The following ARSB variants were observed in gnomAD, a reference collection of about 807,000 sequenced individuals.
ARSB encodes the protein N-acetylgalactosamine-4-sulfatase.
In ARSB, 41 loss-of-function variants were observed where a neutral mutation model predicts 50.9. That is an observed-to-expected ratio of 0.81 (90% CI 0.63 to 1.04). ARSB has a LOEUF of 1.04. Among genes scored for constraint, ARSB ranks in the 50% least tolerant of loss-of-function variants. ARSB has a pLI of 0.00. For missense variants in ARSB, 672 were observed against 693.3 expected (o/e 0.97, Z 0.35); for synonymous variants, 269 against 284.8 (o/e 0.94, Z 0.56).
intron 6 of ARSB, among the ~76,000 whole-genome samples, chr5:78,826,866 C>T (rs962432707): frequency 6.6e-6 from 1 of 152,136 alleles, no homozygotes; most frequent in African/African-American, 2.4e-5. Flanking sequence ...GGGCAGGTAA[C>T]AGGGCAGAAT....
At chr5:78,887,441 C>A (rs895571911) in intron 4 of ARSB, among the ~76,000 whole-genome samples, 2 of 152,158 alleles carry the variant, frequency 1.3e-5, no homozygotes, top group African/African-American at 4.8e-5. Flanking sequence ...TCCTACTGGG[C>A]CCCACCTCCC....
chr5:78,804,949 G>A (rs1464688662), intron 6 of ARSB, among the ~76,000 whole-genome samples: 1 of 152,244 alleles, frequency 6.6e-6, no homozygotes, highest in Non-Finnish European at 1.5e-5. Flanking sequence ...TGCTCAGAAA[G>A]AGTCACATGT....
At chr5:78,781,783 A>G in intron 7 of ARSB, 69 bp downstream of exon 7, 3 of 1,596,900 alleles carry the variant, frequency 1.9e-6, no homozygotes, top group Non-Finnish European at 2.6e-6. Flanking sequence ...GACTGGAGAT[A>G]CTGCCCTGAG....
At chr5:78,852,185 G>T (rs1424220526) in intron 5 of ARSB, among the ~76,000 whole-genome samples, 1 of 152,200 alleles carries the variant, frequency 6.6e-6, no homozygotes, top group East Asian at 1.9e-4. Flanking sequence ...GCATGATTTT[G>T]CAGCGGCTGG....
At chr5:78,916,453 G>T (rs1042290625) in intron 4 of ARSB, among the ~76,000 whole-genome samples, 2 of 152,166 alleles carry the variant, frequency 1.3e-5, no homozygotes, top group Non-Finnish European at 2.9e-5. Flanking sequence ...TGTCTTCCGG[G>T]AAAATGCACG....
At chr5:78,917,859 G>GA (rs1340793490) in intron 4 of ARSB, among the ~76,000 whole-genome samples, 1 of 152,160 alleles carries the variant, frequency 6.6e-6, no homozygotes, top group Non-Finnish European at 1.5e-5. Context: ...GTTCAAGGGG[G>GA]AATCAAGGAA....
intron 6 of ARSB, among the ~76,000 whole-genome samples, chr5:78,821,079 G>A (rs1033616035): frequency 1.3e-5 from 2 of 152,114 alleles, no homozygotes; most frequent in Admixed American, 6.5e-5. Context: ...TGTTAGCAGT[G>A]GTCACCTCTG....
chr5:78,845,006 T>C (rs1216026942), intron 5 of ARSB, among the ~76,000 whole-genome samples: 1 of 152,114 alleles, frequency 6.6e-6, no homozygotes, highest in African/African-American at 2.4e-5. Flanking sequence ...TACTTTTATA[T>C]CCATTAACTA....
In ARSB at chr5:78,944,452, T is replaced by C. The variant is rs186424537; in HGVS notation, c.898+10843A>G. Among the ~76,000 whole-genome samples the C allele has an allele frequency of 4.6e-5, 7 of 152,242 alleles. No homozygotes were observed. The East Asian group carries it at 1.3e-3, about 29-fold the overall frequency. Reference sequence around the variant, plus strand: ...TGATGATGGTGATTTACAGATGGGGTTTTGGTGTGGATGTCCTTTCTGTTT... The same window carrying C: ...TGATGATGGTGATTTACAGATGGGGCTTTGGTGTGGATGTCCTTTCTGTTT... On this transcript the variant is annotated intron_variant, in intron 4 of 7. Coordinates refer to ENST00000264914, the MANE Select transcript of ARSB (RefSeq NM_000046.5).
At position 78,943,130 on chromosome 5, in the gene ARSB, T is replaced by C. The variant is rs183210739; in HGVS notation, c.898+12165A>G. ...CTGCCTTTTTTTGTTTTTCATTTGC[T>C]TGGTAGATCTTCCTCCATCCCTTTA... is the stretch of plus-strand genomic sequence containing the variant. On this transcript the variant is annotated intron_variant, in intron 4 of 7. Transcript: ENST00000264914. Among the ~76,000 whole-genome samples the C allele has an allele frequency of 1.4e-3, 215 of 152,358 alleles. 1 individual carries two copies. The highest frequency in any genetic ancestry group is 5.1e-3 in the African/African-American group (211 of 41,568).
intron 4 of ARSB, among the ~76,000 whole-genome samples, chr5:78,954,565 C>T (rs1751632353): frequency 6.6e-6 from 1 of 152,094 alleles, no homozygotes; most frequent in African/African-American, 2.4e-5. Context: ...AGTGCAGTGG[C>T]ACAGTTTCGG....
Position 78,836,318 on chromosome 5 carries a change from C to T in ARSB, c.1213+3038G>A, listed in dbSNP as rs151133214. ...CAGAGAACGCTGTGTGTGTGTGAAG[C>T]AACAGTGAATGTGGTTCTACATCCT... On this transcript the variant is annotated intron_variant, in intron 6 of 7. Transcript: ENST00000264914. Among the ~76,000 whole-genome samples, 100 of 152,298 alleles carry T rather than the reference C, an allele frequency of 6.6e-4. No homozygotes were observed. The East Asian group carries it at 0.017, about 26-fold the overall frequency.
rs187140335 is a variant in ARSB at position 78,804,164 on chromosome 5, C to T, written c.1214-22190G>A. ...GAAACAAATGCCAGGGAAGAGAAGT[C>T]TCTCAGGATTTGCAACTGCTCACTG... On this transcript the variant is annotated intron_variant, in intron 6 of 7. Transcript: ENST00000264914. 2.9e-3 allele frequency among the ~76,000 whole-genome samples: 445 copies of T among 151,324 alleles called. 8 individuals carry two copies. Among genetic ancestry groups the T allele is most frequent in the Non-Finnish European group, 1.3e-3 (87 of 67,956 alleles).
intron 6 of ARSB, among the ~76,000 whole-genome samples, chr5:78,796,874 G>A (rs1466521637): frequency 7.9e-6 from 1 of 126,680 alleles, no homozygotes. Flanking sequence ...GGATGGTCTC[G>A]ATCTCTTTTT....
chr5:78,909,380 A>G (rs1054164919), intron 4 of ARSB, among the ~76,000 whole-genome samples: 2 of 152,198 alleles, frequency 1.3e-5, no homozygotes, highest in African/African-American at 2.4e-5. Context: ...GGGAAAAGAG[A>G]GAGAGATCAG....
chr5:78,842,116 C>T (rs1745245872), intron 5 of ARSB, among the ~76,000 whole-genome samples: 1 of 152,084 alleles, frequency 6.6e-6, no homozygotes, highest in Non-Finnish European at 1.5e-5. Flanking sequence ...CACACACACA[C>T]ACACATCAAC....
At chr5:78,858,017 T>C (rs1746237976) in intron 5 of ARSB, among the ~76,000 whole-genome samples, 1 of 152,166 alleles carries the variant, frequency 6.6e-6, no homozygotes, top group African/African-American at 2.4e-5. Flanking sequence ...CATGGCATGG[T>C]TAAGTGACTT....
chr5:78,897,956 T>C (rs931751463), intron 4 of ARSB, among the ~76,000 whole-genome samples: 7 of 152,046 alleles, frequency 4.6e-5, no homozygotes, highest in South Asian at 2.1e-4. Context: ...ATTAAAGACA[T>C]TGAAATTAGT....
chr5:78,808,368 T>C (rs954861377), intron 6 of ARSB, among the ~76,000 whole-genome samples: 5 of 152,184 alleles, frequency 3.3e-5, no homozygotes, highest in South Asian at 4.1e-4. Flanking sequence ...ATTATATTAG[T>C]AGGAATTTAA....
Sources: allele counts gnomAD v4.1 joint callset (sites outside exome capture counted in the v4.1 genomes callset), GRCh38; gene constraint gnomAD v4.1.1; transcripts MANE v1.5; gene names NCBI Gene and HGNC (gene_info 2026-07-23, HGNC 2026-07-21).